SDHB: variants seen among roughly 807,000 people sequenced by gnomAD.
The protein encoded by SDHB is succinate dehydrogenase [ubiquinone] iron-sulfur subunit, mitochondrial.
SDHB carries 21 observed loss-of-function variants against 39.7 expected under a neutral mutation model. The observed-to-expected ratio is 0.53, with a 90% confidence interval of 0.37 to 0.76. The LOEUF is 0.76. Among genes scored for constraint, SDHB ranks in the 30% least tolerant of loss-of-function variants. SDHB has a pLI of 0.00. For missense variants in SDHB, 343 were observed against 350.9 expected, an observed-to-expected ratio of 0.98 and a Z score of 0.18; for synonymous variants, 118 against 117.0, an observed-to-expected ratio of 1.01 and a Z score of -0.06.
At position 17,029,076 on chromosome 1, in the gene SDHB, T is replaced by C. The variant is rs1013536567; in HGVS notation, c.287-340A>G. On this transcript the variant is annotated intron_variant, in intron 3 of 7. Coordinates refer to ENST00000375499, the MANE Select transcript of SDHB (RefSeq NM_003000.3). ...TTCTAGCTCCATGTGTCACGTGTTT[T>C]GAAGAAAAATCAGCCTGTTTTTTTT... 2.0e-4 allele frequency among the ~76,000 whole-genome samples: 29 copies of C among 143,446 alleles called. 1 individual carries two copies. The highest frequency in any genetic ancestry group is 1.7e-3 in the Admixed American group (23 of 13,602). The allele number at this position is 143,446 out of a possible 152,430, so 94.1% of individuals were successfully genotyped here.
intron 2 of SDHB, among the ~76,000 whole-genome samples, chr1:17,035,518 T>C (rs1362617450): frequency 6.6e-6 from 1 of 151,956 alleles, no homozygotes; most frequent in Non-Finnish European, 1.5e-5. Flanking sequence ...AACATCTTTG[T>C]TTTTTTTACA....
intron 5 of SDHB, among the ~76,000 whole-genome samples, chr1:17,026,764 C>A (rs1246495853): frequency 6.6e-6 from 1 of 152,084 alleles, no homozygotes; most frequent in Non-Finnish European, 1.5e-5. Context: ...ACAACTGATA[C>A]TTTTCATATA....
chr1:17,023,361 T>A (rs941089154), intron 6 of SDHB, among the ~76,000 whole-genome samples: 1 of 152,198 alleles, frequency 6.6e-6, no homozygotes, highest in Admixed American at 6.5e-5. Context: ...TGGGAATCAA[T>A]ATTGCTCATG....
intron 7 of SDHB, among the ~76,000 whole-genome samples, chr1:17,022,333 T>C (rs1456346837): frequency 6.6e-6 from 1 of 152,180 alleles, no homozygotes; most frequent in African/African-American, 2.4e-5. Context: ...TGAACGCAGG[T>C]ACCTGCTCAT....
chr1:17,045,620 A>G (rs2078104971), intron 1 of SDHB, among the ~76,000 whole-genome samples: 1 of 152,164 alleles, frequency 6.6e-6, no homozygotes, highest in Admixed American at 6.6e-5. Flanking sequence ...ATAAAAAAGA[A>G]AAAAAGAAAG....
At chr1:17,052,464 G>T (rs2101550050) in intron 1 of SDHB, 1 of 152,258 alleles carries the variant, frequency 6.6e-6, no homozygotes, top group African/African-American at 2.4e-5. Context: ...CAAAGACCTT[G>T]CCTGGAATTA....
chr1:17,019,028 G>GTTT, intron 7 of SDHB, 70 bp from the exon 8 acceptor site: 1 of 1,195,026 alleles, frequency 8.4e-7, no homozygotes, highest in Non-Finnish European at 1.2e-6. Context: ...ACAATCTTGG[G>GTTT]TGAAACTCCT....
intron 1 of SDHB, among the ~76,000 whole-genome samples, chr1:17,046,651 T>G (rs992064029): frequency 2.7e-4 from 41 of 152,320 alleles, no homozygotes; most frequent in African/African-American, 8.9e-4. Context: ...AACATAATGC[T>G]TCTGAGATTC....
At chr1:17,024,101 A>C (rs745473046) in intron 5 of SDHB, 27 bp from the exon 6 acceptor site, 38 of 1,529,080 alleles carry the variant, frequency 2.5e-5, no homozygotes, top group Non-Finnish European at 3.4e-5. Flanking sequence ...GAGAGGCAGG[A>C]GCTTGTGACG....
intron 1 of SDHB, among the ~76,000 whole-genome samples, chr1:17,045,611 T>G (rs1321694907): frequency 6.6e-6 from 1 of 151,188 alleles, no homozygotes; most frequent in African/African-American, 2.4e-5. Flanking sequence ...AAATACAAAA[T>G]AAAAAAGAAA....
At chr1:17,049,273 G>A (rs1051724397) in intron 1 of SDHB, among the ~76,000 whole-genome samples, 2 of 152,064 alleles carry the variant, frequency 1.3e-5, no homozygotes, top group Non-Finnish European at 2.9e-5. Context: ...TTACAGGTGT[G>A]AGCCATTGTG....
At chr1:17,040,895 C>T (rs1221319733) in intron 2 of SDHB, among the ~76,000 whole-genome samples, 3 of 152,014 alleles carry the variant, frequency 2.0e-5, no homozygotes, top group South Asian at 2.1e-4. Flanking sequence ...TTTGGGAGGC[C>T]GAGGCGGGTG....
At position 17,049,422 on chromosome 1, in the gene SDHB, C is replaced by T. The variant is rs541758233; in HGVS notation, c.72+4526G>A. Among the ~76,000 whole-genome samples, 7 of 152,066 alleles carry T rather than the reference C, an allele frequency of 4.6e-5. No homozygotes were observed. In the East Asian group the frequency reaches 5.8e-4, roughly 13 times the overall value. Reference sequence around the variant, plus strand: ...ATGCAATTCTCCTGTCTCAGCCACCCGGGTAGCTGGGATTACAGGCATGTG... The same window carrying T: ...ATGCAATTCTCCTGTCTCAGCCACCTGGGTAGCTGGGATTACAGGCATGTG... On this transcript the variant is annotated intron_variant, in intron 1 of 7. Transcript: ENST00000375499.
At chr1:17,048,544 GT>G (rs1371594036) in intron 1 of SDHB, among the ~76,000 whole-genome samples, 1 of 151,946 alleles carries the variant, frequency 6.6e-6, no homozygotes, top group African/African-American at 2.4e-5. Context: ...TACAAGTTTA[GT>G]TTTTTTTAAG....
chr1:17,028,945 T>C (rs2078006755), intron 3 of SDHB, among the ~76,000 whole-genome samples: 1 of 152,136 alleles, frequency 6.6e-6, no homozygotes, highest in Admixed American at 6.6e-5. Flanking sequence ...CAAAAACTAC[T>C]CTATGACCAT....
intron 1 of SDHB, 43 bp downstream of exon 1, chr1:17,053,905 G>A (rs201216642): frequency 6.7e-7 from 1 of 1,481,874 alleles, no homozygotes. Context: ...GGCAGTCTCT[G>A]TGGCTTTCCT....
intron 5 of SDHB, among the ~76,000 whole-genome samples, chr1:17,027,127 T>C (rs563735839): frequency 7.4e-4 from 112 of 152,242 alleles, no homozygotes; most frequent in Non-Finnish European, 1.8e-4. Flanking sequence ...GCAGGGAGTA[T>C]GCAAATCAGA....
At chr1:17,020,286 C>T (rs550374823) in intron 7 of SDHB, among the ~76,000 whole-genome samples, 53 of 152,316 alleles carry the variant, frequency 3.5e-4, no homozygotes, top group Non-Finnish European at 6.5e-4. Context: ...AGGCAGACGG[C>T]CTAACTCTAG....
At chr1:17,027,170 T>TAGAAGA (rs1175212181) in intron 5 of SDHB, among the ~76,000 whole-genome samples, 6 of 152,070 alleles carry the variant, frequency 3.9e-5, no homozygotes, top group African/African-American at 1.4e-4. Context: ...AGAAGTAGTG[T>TAGAAGA]AGAAGAAGAA....
Sources: gnomAD v4.1 joint callset for allele counts (sites outside exome capture counted in the v4.1 genomes callset) on GRCh38, gnomAD v4.1.1 for gene constraint, MANE v1.5 for transcripts, NCBI Gene and HGNC (gene_info 2026-07-23, HGNC 2026-07-21) for gene names.